RBM19: variants seen among roughly 807,000 people sequenced by gnomAD.
RBM19 encodes RNA binding motif protein 19, also known as probable RNA-binding protein 19.
RBM19 carries 94 observed loss-of-function variants against 116.8 expected under a neutral mutation model. The ratio of observed to expected loss-of-function variants is 0.80; its 90% confidence interval spans 0.68 to 0.95. The LOEUF (loss-of-function observed/expected upper bound fraction) is 0.95, where lower values mean the gene tolerates loss of function less well. Ranked by LOEUF, RBM19 falls within the 40% of genes least tolerant of loss-of-function variation. The pLI is 0.00. For synonymous variants in RBM19, 475 were observed against 494.1 expected (o/e 0.96, Z 0.51); for missense variants, 1,161 against 1,220.7 (o/e 0.95, Z 0.73).
rs778734416 is a variant in RBM19, at chr12:113,966,261, GAC to G, written c.-36_-35del. The G allele has an allele frequency of 5.0e-6, 8 of 1,613,538 alleles. No individual in the cohort carries two copies. The Admixed American group carries it at 1.3e-4, about 27-fold the overall frequency. ...GTCCCCGCTGTTTTGATTCCAACAC[GAC>G]TGGTCAGCGTCTTCCACCAAGTTTC... On this transcript the variant is annotated 5_prime_UTR_variant, in exon 1 of 24. Transcript: ENST00000261741.
intron 21 of RBM19, among the ~76,000 whole-genome samples, chr12:113,868,796 A>C (rs1879019036): frequency 1.3e-5 from 2 of 152,226 alleles, no homozygotes; most frequent in South Asian, 2.1e-4. Context: ...CTTCTAACTC[A>C]CCAGGGACTG....
At chr12:113,949,111 C>T (rs1871281056) in intron 9 of RBM19, 75 bp from the exon 10 acceptor site, 5 of 1,313,070 alleles carry the variant, frequency 3.8e-6, no homozygotes, top group Non-Finnish European at 5.3e-6. Flanking sequence ...TGACTCCAAA[C>T]TCTTCTCTGC....
Position 113,911,939 on chromosome 12 carries a change from G to C in RBM19, c.2558+3030C>G, listed in dbSNP as rs370439684. Reference sequence around the variant, plus strand: ...GAAAAGAGAGCCACAGAGAAGACGAGAATCGCTGTCTGCAAATCCACTGCT... The same window carrying C: ...GAAAAGAGAGCCACAGAGAAGACGACAATCGCTGTCTGCAAATCCACTGCT... On this transcript the variant is annotated intron_variant, in intron 21 of 23. Transcript: ENST00000261741. Among the ~76,000 whole-genome samples the C allele has an allele frequency of 3.3e-4, 51 of 152,324 alleles. No individual in the cohort carries two copies. In the South Asian group the frequency reaches 9.9e-3, roughly 30 times the overall value.
At chr12:113,961,334 T>A (rs541494583) in intron 2 of RBM19, among the ~76,000 whole-genome samples, 1 of 152,236 alleles carries the variant, frequency 6.6e-6, no homozygotes, top group East Asian at 1.9e-4. Flanking sequence ...CCAGTTACAA[T>A]CCCTTTTGTG....
downstream of RBM19, chr12:113,822,005 C>G (rs1218178878): frequency 6.6e-6 from 1 of 152,204 alleles, no homozygotes; most frequent in Non-Finnish European, 1.5e-5. Context: ...TTCCCAAACT[C>G]TCACTTGGAG....
intron 21 of RBM19, among the ~76,000 whole-genome samples, chr12:113,896,485 G>T (rs1425741237): frequency 6.6e-6 from 1 of 152,220 alleles, no homozygotes; most frequent in African/African-American, 2.4e-5. Flanking sequence ...CTCTTGCCAG[G>T]AACACTGGGA....
chr12:113,829,391 C>G (rs890954754), intron 23 of RBM19, among the ~76,000 whole-genome samples: 2 of 152,202 alleles, frequency 1.3e-5, no homozygotes, highest in Non-Finnish European at 2.9e-5. Context: ...TGGCCTCTGC[C>G]ACTGTGGGAC....
At chr12:113,862,437 G>A (rs746148246) in intron 21 of RBM19, among the ~76,000 whole-genome samples, 5 of 151,870 alleles carry the variant, frequency 3.3e-5, no homozygotes, top group African/African-American at 7.3e-5. Flanking sequence ...GAGAGCTATC[G>A]AAAGAGAATT....
At chr12:113,965,073 C>A (rs1315307133) in intron 1 of RBM19, among the ~76,000 whole-genome samples, 2 of 151,844 alleles carry the variant, frequency 1.3e-5, no homozygotes, top group African/African-American at 4.8e-5. Context: ...GAGTTCGAGA[C>A]CAACTTGTCC....
At chr12:113,912,642 G>C (rs899800421) in intron 21 of RBM19, among the ~76,000 whole-genome samples, 15 of 152,216 alleles carry the variant, frequency 9.9e-5, no homozygotes, top group African/African-American at 3.6e-4. Flanking sequence ...AGGTGATTCT[G>C]CACGGGAAGG....
chr12:113,905,481 G>GTT (rs1881979851), intron 21 of RBM19, among the ~76,000 whole-genome samples: 1 of 152,052 alleles, frequency 6.6e-6, no homozygotes, highest in Non-Finnish European at 1.5e-5. Flanking sequence ...TGATGTGAAG[G>GTT]GTCAAAGAGA....
intron 1 of RBM19, among the ~76,000 whole-genome samples, chr12:113,963,047 TATGA>T: frequency 6.6e-6 from 1 of 152,224 alleles, no homozygotes; most frequent in East Asian, 1.9e-4. Flanking sequence ...AGTATATAGC[TATGA>T]ACCAAGGAAG....
intron 21 of RBM19, among the ~76,000 whole-genome samples, chr12:113,867,991 G>T (rs1287579850): frequency 4.6e-5 from 7 of 152,112 alleles, no homozygotes; most frequent in Non-Finnish European, 1.0e-4. Context: ...AGTAGAAATG[G>T]ACATTCTAGT....
intron 21 of RBM19, among the ~76,000 whole-genome samples, chr12:113,897,916 T>A (rs560601935): frequency 3.3e-5 from 5 of 152,298 alleles, no homozygotes; most frequent in African/African-American, 1.2e-4. Context: ...GTAAACAGAC[T>A]CACAGGACAT....
intron 21 of RBM19, among the ~76,000 whole-genome samples, chr12:113,894,454 A>C (rs10850235): frequency 0.16 from 24,219 of 152,098 alleles, 2,293 homozygotes; most frequent in Middle Eastern, 0.22. Context: ...CCTCTGAGGG[A>C]GGGGCATCTC....
intron 23 of RBM19, among the ~76,000 whole-genome samples, chr12:113,837,554 C>T (rs988987263): frequency 1.3e-5 from 2 of 152,214 alleles, no homozygotes; most frequent in African/African-American, 4.8e-5. Context: ...ACGAGGTGGG[C>T]GCTGTGGCCC....
chr12:113,876,241 C>G (rs1225990330), intron 21 of RBM19, among the ~76,000 whole-genome samples: 1 of 152,166 alleles, frequency 6.6e-6, no homozygotes, highest in East Asian at 1.9e-4. Context: ...GCAACCTATG[C>G]TGGGAGTGGC....
intron 8 of RBM19, among the ~76,000 whole-genome samples, chr12:113,951,809 C>A (rs1014986428): frequency 1.1e-4 from 17 of 152,344 alleles, no homozygotes; most frequent in African/African-American, 4.1e-4. Flanking sequence ...AGATGTCAGC[C>A]TAGGTAGATC....
chr12:113,877,717 C>T (rs771836750), intron 21 of RBM19, among the ~76,000 whole-genome samples: 4 of 152,064 alleles, frequency 2.6e-5, no homozygotes, highest in Non-Finnish European at 5.9e-5. Context: ...AACAGCAGCC[C>T]CAGGATGAGA....
Sources: gnomAD v4.1 joint callset for allele counts (sites outside exome capture counted in the v4.1 genomes callset) on GRCh38, gnomAD v4.1.1 for gene constraint, MANE v1.5 for transcripts, NCBI Gene and HGNC (gene_info 2026-07-23, HGNC 2026-07-21) for gene names.